SNCAIP: variants seen among roughly 807,000 people sequenced by gnomAD.
SNCAIP encodes synuclein alpha interacting protein.
In SNCAIP, 43 loss-of-function variants were observed where a neutral mutation model predicts 86.7. The observed-to-expected ratio is 0.50, with a 90% CI of 0.39 to 0.64. The LOEUF is 0.64. Among genes scored for constraint, SNCAIP ranks in the 30% least tolerant of loss-of-function variants. SNCAIP has a pLI of 0.00. For missense variants in SNCAIP, 981 were observed against 1,103.1 expected (o/e 0.89, Z 1.57); for synonymous variants, 417 against 427.2 (o/e 0.98, Z 0.29).
intron 10 of SNCAIP, among the ~76,000 whole-genome samples, chr5:122,462,136 G>A (rs1786505688): frequency 6.6e-6 from 1 of 152,120 alleles, no homozygotes; most frequent in Admixed American, 6.6e-5. Flanking sequence ...TATATAGAGA[G>A]CTTCTTCATT....
At chr5:122,370,980 C>T (rs1223871451) in intron 1 of SNCAIP, among the ~76,000 whole-genome samples, 1 of 152,058 alleles carries the variant, frequency 6.6e-6, no homozygotes, top group African/African-American at 2.4e-5. Context: ...TATATGCTGC[C>T]TGCTGTTTAG....
At chr5:122,336,184 G>A (rs1469852174) in intron 1 of SNCAIP, among the ~76,000 whole-genome samples, 1 of 152,182 alleles carries the variant, frequency 6.6e-6, no homozygotes, top group Non-Finnish European at 1.5e-5. Context: ...AAGAGAGAGA[G>A]AGAGAGAAAG....
At chr5:122,420,085 T>A (rs2152919872) in intron 3 of SNCAIP, among the ~76,000 whole-genome samples, 1 of 152,230 alleles carries the variant, frequency 6.6e-6, no homozygotes, top group East Asian at 1.9e-4. Context: ...TTCTTGGCAA[T>A]CAAGACATAG....
At chr5:122,400,003 A>G (rs1284655794) in intron 2 of SNCAIP, among the ~76,000 whole-genome samples, 2 of 152,044 alleles carry the variant, frequency 1.3e-5, no homozygotes, top group African/African-American at 4.8e-5. Flanking sequence ...TTACTTCCTT[A>G]TGGGGCAGGG....
intron 1 of SNCAIP, among the ~76,000 whole-genome samples, chr5:122,372,326 C>T (rs1238157289): frequency 6.6e-6 from 1 of 152,178 alleles, no homozygotes; most frequent in East Asian, 1.9e-4. Context: ...ATACTCCCAG[C>T]ATGGCCAATT....
At position 122,363,055 on chromosome 5, in the gene SNCAIP, G is replaced by T. The variant is rs146720576; in HGVS notation, c.-46-28034G>T. Among the ~76,000 whole-genome samples, 1,217 of 146,186 alleles carry T rather than the reference G, an allele frequency of 8.3e-3. 19 individuals are homozygous for T. The highest frequency in any genetic ancestry group is 0.029 in the African/African-American group (1,144 of 39,112). On this transcript the variant is annotated intron_variant, in intron 1 of 10. Transcript: ENST00000261368. Reference sequence around the variant, plus strand: ...GTTGGTGCCCAGGCTGGAGTGCAATGGTACAATCTCAACTCACTGCAACTT... The same window carrying T: ...GTTGGTGCCCAGGCTGGAGTGCAATTGTACAATCTCAACTCACTGCAACTT...
intron 1 of SNCAIP, among the ~76,000 whole-genome samples, chr5:122,365,320 C>G (rs1762957144): frequency 1.3e-5 from 2 of 152,082 alleles, no homozygotes; most frequent in Non-Finnish European, 2.9e-5. Context: ...AAGACTTTTT[C>G]TATAGTACCA....
At chr5:122,437,937 C>T (rs1033988855) in intron 6 of SNCAIP, among the ~76,000 whole-genome samples, 2 of 152,124 alleles carry the variant, frequency 1.3e-5, no homozygotes, top group Non-Finnish European at 2.9e-5. Flanking sequence ...TTGCCTATAA[C>T]CCCACTACTA....
chr5:122,448,649 TTTTTATATATATTATATATATTATATATG>T (rs1395942141), intron 8 of SNCAIP, among the ~76,000 whole-genome samples: 1 of 133,026 alleles, frequency 7.5e-6, no homozygotes, highest in African/African-American at 2.8e-5. Flanking sequence ...GTTATATATA[TTTTTATATATATTATATATATTATATATG>T]TTATATATAT....
chr5:122,404,054 T>C (rs796977635), intron 3 of SNCAIP, among the ~76,000 whole-genome samples, 189 bp downstream of exon 3: 15 of 152,208 alleles, frequency 9.9e-5, no homozygotes, highest in African/African-American at 3.4e-4. Context: ...TGAAAGAGGA[T>C]AGCAGGACAG....
chr5:122,455,747 AG>A (rs1425175311), intron 10 of SNCAIP, among the ~76,000 whole-genome samples: 1 of 152,352 alleles, frequency 6.6e-6, no homozygotes, highest in East Asian at 1.9e-4. Flanking sequence ...CTGCTCTGTG[AG>A]GGCTCTGTTT....
In SNCAIP at chr5:122,414,661, G is replaced by A. The variant is rs149886867; in HGVS notation, c.131-8207G>A. On this transcript the variant is annotated intron_variant, in intron 3 of 10. Coordinates refer to ENST00000261368, the MANE Select transcript of SNCAIP (RefSeq NM_005460.4). The stretch of plus-strand genomic sequence containing the variant: ...AATGAGTACGACCACTGATTTCTGG[G>A]ATTCCATTGCATATAGGTGACCCAA... Among the ~76,000 whole-genome samples the A allele has an allele frequency of 8.3e-4, 127 of 152,296 alleles. 2 individuals carry two copies. The highest frequency in any genetic ancestry group is 2.9e-3 in the African/African-American group (122 of 41,574).
chr5:122,398,866 G>T (rs765635126), intron 2 of SNCAIP, among the ~76,000 whole-genome samples: 1 of 152,052 alleles, frequency 6.6e-6, no homozygotes, highest in Non-Finnish European at 1.5e-5. Flanking sequence ...TAGAAATCAC[G>T]CACTGTCATT....
chr5:122,462,510 T>G (rs1786620672), intron 10 of SNCAIP, among the ~76,000 whole-genome samples: 1 of 152,150 alleles, frequency 6.6e-6, no homozygotes, highest in South Asian at 2.1e-4. Context: ...CTCTTCCCTT[T>G]CCCTTTCTTG....
chr5:122,397,812 G>A (rs2152857283), intron 2 of SNCAIP, among the ~76,000 whole-genome samples: 1 of 152,118 alleles, frequency 6.6e-6, no homozygotes, highest in South Asian at 2.1e-4. Context: ...CATGTGGTGG[G>A]GTCTGGACAA....
chr5:122,436,697 G>C (rs1165973043), intron 6 of SNCAIP: 1 of 151,844 alleles, frequency 6.6e-6, no homozygotes, highest in Admixed American at 6.6e-5. Flanking sequence ...TTAAAACATG[G>C]ATTGCCACAC....
At position 122,335,812 on chromosome 5, in the gene SNCAIP, A is replaced by T. The variant is rs534307269; in HGVS notation, c.-47+23528A>T. Among the ~76,000 whole-genome samples the T allele has an allele frequency of 1.1e-4, 16 of 152,312 alleles. No individual in the cohort carries two copies. In the South Asian group the frequency reaches 3.3e-3, roughly 32 times the overall value. On this transcript the variant is annotated intron_variant, in intron 1 of 10. Coordinates refer to ENST00000261368, the MANE Select transcript of SNCAIP (RefSeq NM_005460.4). ...TCCATGCCATCCAGTTATTGAATGA[A>T]TACAGGCTGCCCCAGGAAGGTGGCT...
intron 1 of SNCAIP, among the ~76,000 whole-genome samples, chr5:122,360,716 C>T (rs1256357227): frequency 1.3e-5 from 2 of 152,184 alleles, no homozygotes; most frequent in African/African-American, 2.4e-5. Flanking sequence ...GTCTGTTTAG[C>T]ATCATGAAAT....
intron 2 of SNCAIP, among the ~76,000 whole-genome samples, chr5:122,394,034 G>A (rs760486724): frequency 2.6e-5 from 4 of 151,916 alleles, no homozygotes; most frequent in East Asian, 1.9e-4. Flanking sequence ...TGTGTTCAAC[G>A]TGCTAATTCA....
Sources: allele counts gnomAD v4.1 joint callset (sites outside exome capture counted in the v4.1 genomes callset), GRCh38; gene constraint gnomAD v4.1.1; transcripts MANE v1.5; gene names NCBI Gene and HGNC (gene_info 2026-07-23, HGNC 2026-07-21).